Variants in LTBP2 observed in about 807,000 individuals in gnomAD.
LTBP2 encodes latent transforming growth factor beta binding protein 2.
In LTBP2, 103 loss-of-function variants were observed where a neutral mutation model predicts 210.6. The ratio of observed to expected loss-of-function variants is 0.49; its 90% confidence interval spans 0.42 to 0.58. The LOEUF is 0.58. Ranked by LOEUF, LTBP2 falls within the 20% of genes least tolerant of loss-of-function variation. LTBP2 has a pLI of 0.00. For missense variants in LTBP2, 2,313 were observed against 2,494.5 expected, an observed-to-expected ratio of 0.93 and a Z score of 1.55; for synonymous variants, 1,007 against 1,015.0, an observed-to-expected ratio of 0.99 and a Z score of 0.15.
chr14:74,595,153 G>A (rs1045331688), intron 2 of LTBP2, among the ~76,000 whole-genome samples: 5 of 152,272 alleles, frequency 3.3e-5, no homozygotes, highest in Admixed American at 1.3e-4. Flanking sequence ...TGGGTTTGGC[G>A]GCTGGAGGGG....
intron 34 of LTBP2, 97 bp from the exon 35 acceptor site, chr14:74,501,687 T>C: frequency 6.8e-7 from 1 of 1,477,526 alleles, no homozygotes; most frequent in South Asian, 1.2e-5. Context: ...AGGGTGCCCC[T>C]GTGGAACTGT....
At chr14:74,587,279 T>C (rs1047315796) in intron 2 of LTBP2, among the ~76,000 whole-genome samples, 1 of 151,998 alleles carries the variant, frequency 6.6e-6, no homozygotes, top group East Asian at 1.9e-4. Context: ...CCCTAGTGAA[T>C]GTCAGGCACT....
intron 29 of LTBP2, 57 bp from the exon 30 acceptor site, chr14:74,504,918 C>T: frequency 6.2e-7 from 1 of 1,613,210 alleles, no homozygotes; most frequent in Non-Finnish European, 8.5e-7. Flanking sequence ...CTTCCTCTCT[C>T]CCCTTCTTTC....
At chr14:74,510,382 G>C (rs1050952526) in intron 19 of LTBP2, among the ~76,000 whole-genome samples, 169 bp from the exon 20 acceptor site, 6 of 152,200 alleles carry the variant, frequency 3.9e-5, no homozygotes, top group African/African-American at 1.4e-4. Flanking sequence ...CCTAGGCAGG[G>C]CAGGGCGTCC....
intron 3 of LTBP2, among the ~76,000 whole-genome samples, chr14:74,571,838 G>A (rs977067085): frequency 3.9e-5 from 6 of 152,260 alleles, no homozygotes; most frequent in African/African-American, 1.2e-4. Flanking sequence ...GCAGAAATGT[G>A]GTAGCTCCAG....
chr14:74,530,804 G>A (rs6574182), intron 10 of LTBP2, among the ~76,000 whole-genome samples: 1 of 152,048 alleles, frequency 6.6e-6, no homozygotes, highest in Non-Finnish European at 1.5e-5. Context: ...TGAGAGGCAC[G>A]GGGCCCAGCC....
At chr14:74,600,548 T>C (rs1317224287) in intron 2 of LTBP2, among the ~76,000 whole-genome samples, 1 of 152,032 alleles carries the variant, frequency 6.6e-6, no homozygotes, top group Non-Finnish European at 1.5e-5. Context: ...AGAATAACAC[T>C]GGAACATCAC....
At chr14:74,572,304 TGTCTGTGTGTGTGTGTGTGAGA>T (rs779809445) in intron 3 of LTBP2, among the ~76,000 whole-genome samples, 242 of 148,410 alleles carry the variant, frequency 1.6e-3, no homozygotes, top group Non-Finnish European at 2.9e-3. Flanking sequence ...TGTGTGTGTG[TGTCTGTGTGTGTGTGTGTGAGA>T]GAGAGAGAGA....
chr14:74,563,902 T>G (rs1188108321), intron 3 of LTBP2, among the ~76,000 whole-genome samples: 3 of 147,100 alleles, frequency 2.0e-5, no homozygotes, highest in African/African-American at 7.6e-5. Context: ...TGCAGTTATT[T>G]GCATATTCAT....
intron 9 of LTBP2, among the ~76,000 whole-genome samples, chr14:74,533,744 T>C (rs2087381685): frequency 6.6e-6 from 1 of 152,176 alleles, no homozygotes; most frequent in South Asian, 2.1e-4. Context: ...ACTGGTTTCT[T>C]CTGTGACCTC....
chr14:74,513,741 G>A (rs1253257246), intron 18 of LTBP2, among the ~76,000 whole-genome samples: 1 of 152,196 alleles, frequency 6.6e-6, no homozygotes, highest in African/African-American at 2.4e-5. Flanking sequence ...GGGGGAGGAG[G>A]TTGCAGTGAG....
At chr14:74,510,250 CT>C in intron 19 of LTBP2, 37 bp from the exon 20 acceptor site, 1 of 1,610,116 alleles carries the variant, frequency 6.2e-7, no homozygotes, top group South Asian at 1.1e-5. Context: ...GGCTGGCCTC[CT>C]CCCCATCCTG....
chr14:74,605,284 A>G (rs542754991), intron 1 of LTBP2, among the ~76,000 whole-genome samples: 2 of 152,352 alleles, frequency 1.3e-5, no homozygotes, highest in East Asian at 3.9e-4. Flanking sequence ...GCAGCTTGAA[A>G]AAGCGGAGGC....
chr14:74,564,061 TTATA>T (rs1222689618), intron 3 of LTBP2, among the ~76,000 whole-genome samples: 41 of 28,152 alleles, frequency 1.5e-3, no homozygotes, highest in African/African-American at 6.7e-3. Context: ...ATATATATAT[TTATA>T]TATATATATT....
intron 2 of LTBP2, among the ~76,000 whole-genome samples, chr14:74,601,825 G>GTT (rs1033337596): frequency 1.3e-5 from 2 of 152,222 alleles, no homozygotes; most frequent in Admixed American, 1.3e-4. Flanking sequence ...AACATCATAC[G>GTT]TTTTTTCACA....
chr14:74,585,859 TGGTGGCGACTGTGGTGCG>T lies in LTBP2; in HGVS notation c.807_824del (p.Pro271_Ala276del). 5.0e-6 allele frequency: 8 copies of T among 1,612,922 alleles called. No homozygotes were observed. The highest frequency in any genetic ancestry group is 6.8e-6 in the Non-Finnish European group (8 of 1,179,830). The stretch of plus-strand genomic sequence containing the variant: ...CCATGGAGAAGGGGACTTACCCAGC[TGGTGGCGACTGTGGTGCG>T]GGCGGCGACTGTGGTGCTGGCGGCT... On this transcript the variant is annotated inframe_deletion, in exon 3 of 36. Transcript: ENST00000261978.
chr14:74,509,425 G>T, intron 21 of LTBP2, 62 bp from the exon 22 acceptor site: 1 of 1,608,544 alleles, frequency 6.2e-7, no homozygotes, highest in Non-Finnish European at 8.5e-7. Context: ...GGCAATGCAG[G>T]AACCTCACCG....
intron 2 of LTBP2, among the ~76,000 whole-genome samples, chr14:74,593,805 C>T (rs557051299): frequency 1.3e-5 from 2 of 152,224 alleles, no homozygotes; most frequent in Admixed American, 1.3e-4. Flanking sequence ...AACCACTCCC[C>T]CAGAGGCCAG....
intron 27 of LTBP2, among the ~76,000 whole-genome samples, chr14:74,506,483 C>T (rs1353587464): frequency 6.6e-6 from 1 of 152,126 alleles, no homozygotes; most frequent in African/African-American, 2.4e-5. Context: ...AGGACACCTG[C>T]TGCCCTGCTG....
Sources: allele counts gnomAD v4.1 joint callset (sites outside exome capture counted in the v4.1 genomes callset), GRCh38; gene constraint gnomAD v4.1.1; transcripts MANE v1.5; gene names NCBI Gene and HGNC (gene_info 2026-07-23, HGNC 2026-07-21).